IL1RAPL1: variants seen among roughly 807,000 people sequenced by gnomAD.
The protein encoded by IL1RAPL1 is interleukin 1 receptor accessory protein like 1.
A neutral mutation model predicts 48.4 loss-of-function variants in IL1RAPL1; 3 were observed. The ratio of observed to expected loss-of-function variants is 0.06; its 90% CI spans 0.03 to 0.16. The LOEUF (loss-of-function observed/expected upper bound fraction) is 0.16. Among genes scored for constraint, IL1RAPL1 ranks in the 10% least tolerant of loss-of-function variants. IL1RAPL1 has a pLI of 1.00. For missense variants in IL1RAPL1, 349 were observed against 530.6 expected, an observed-to-expected ratio of 0.66 and a Z score of 3.36; for synonymous variants, 185 against 187.7, an observed-to-expected ratio of 0.99 and a Z score of 0.12.
intron 6 of IL1RAPL1, among the ~76,000 whole-genome samples, chrX:29,758,668 C>G (rs1303045604): frequency 9.3e-6 from 1 of 107,725 alleles, no homozygotes; most frequent in African/African-American, 3.4e-5. Flanking sequence ...TGCACTCCAG[C>G]CTGTGCAACA....
intron 6 of IL1RAPL1, among the ~76,000 whole-genome samples, chrX:29,911,482 G>A (rs936545592): frequency 8.9e-5 from 10 of 111,964 alleles, no homozygotes; most frequent in Non-Finnish European, 1.9e-4. Flanking sequence ...TCTCAGTAAA[G>A]CTATTAAAAT....
chrX:28,792,495 A>G (rs1285375322), intron 2 of IL1RAPL1, among the ~76,000 whole-genome samples: 3 of 106,102 alleles, frequency 2.8e-5, no homozygotes, highest in African/African-American at 1.0e-4. Flanking sequence ...CAGATTAAAT[A>G]TAATAAGGCA....
chrX:28,631,987 G>C (rs1934406284), intron 1 of IL1RAPL1, among the ~76,000 whole-genome samples: 1 of 112,364 alleles, frequency 8.9e-6, no homozygotes, highest in African/African-American at 3.2e-5. Flanking sequence ...TGCTCGCATA[G>C]GTTAAAAGGT....
chrX:29,180,100 A>G (rs1328762899), intron 2 of IL1RAPL1, among the ~76,000 whole-genome samples: 2 of 109,973 alleles, frequency 1.8e-5, no homozygotes, highest in Non-Finnish European at 3.8e-5. Context: ...TCTCTCTCTC[A>G]AGATTTCACT....
chrX:28,990,704 A>T (rs1399437997), intron 2 of IL1RAPL1, among the ~76,000 whole-genome samples: 1 of 111,752 alleles, frequency 8.9e-6, no homozygotes, highest in African/African-American at 3.3e-5. Flanking sequence ...AACTGCAAAT[A>T]TATATGAGAC....
In IL1RAPL1 at chrX:28,679,750, T is replaced by C. The variant is rs748067474; in HGVS notation, c.-25+91703T>C. On this transcript the variant is annotated intron_variant, in intron 1 of 10. Coordinates refer to ENST00000378993, the MANE Select transcript of IL1RAPL1 (RefSeq NM_014271.4). ...CATTTTATTTTCTGGGCATCTTTGT[T>C]AAGCATCAGTTGACCATAAATGTGT... Among the ~76,000 whole-genome samples the C allele has an allele frequency of 1.1e-4, 12 of 112,098 alleles. No individual in the cohort carries two copies. The South Asian group carries it at 4.4e-3, about 41-fold the overall frequency.
At chrX:28,763,239 A>G (rs1387517281) in intron 1 of IL1RAPL1, among the ~76,000 whole-genome samples, 2 of 111,616 alleles carry the variant, frequency 1.8e-5, no homozygotes, top group Admixed American at 9.6e-5. Flanking sequence ...GAGGATGGAC[A>G]GGTGCTGAGC....
chrX:28,660,610 A>G (rs1241573969), intron 1 of IL1RAPL1, among the ~76,000 whole-genome samples: 1 of 112,103 alleles, frequency 8.9e-6, no homozygotes, highest in East Asian at 2.8e-4. Context: ...ATTTAGAAAT[A>G]CAGGAAATTT....
At chrX:28,732,608 G>A (rs1601878602) in intron 1 of IL1RAPL1, among the ~76,000 whole-genome samples, 1 of 111,889 alleles carries the variant, frequency 8.9e-6, no homozygotes, top group East Asian at 2.8e-4. Context: ...TGGATTAATA[G>A]TTTGTTTCAT....
At chrX:29,045,585 C>T (rs1030194470) in intron 2 of IL1RAPL1, among the ~76,000 whole-genome samples, 13 of 111,315 alleles carry the variant, frequency 1.2e-4, no homozygotes, top group Admixed American at 1.9e-4. Context: ...CCTGCCTCAG[C>T]CTTTCAAGTA....
At chrX:28,613,960 C>G in intron 1 of IL1RAPL1, among the ~76,000 whole-genome samples, 1 of 111,447 alleles carries the variant, frequency 9.0e-6, no homozygotes, top group East Asian at 2.8e-4. Context: ...TCTTTAGCTC[C>G]CAAACTTTGA....
At chrX:28,700,396 A>G (rs1406713176) in intron 1 of IL1RAPL1, among the ~76,000 whole-genome samples, 2 of 111,311 alleles carry the variant, frequency 1.8e-5, no homozygotes, top group Non-Finnish European at 3.8e-5. Flanking sequence ...TCATCCACTC[A>G]TCATTCTTAT....
At chrX:29,296,702 T>A (rs1932455562) in intron 3 of IL1RAPL1, among the ~76,000 whole-genome samples, 1 of 111,444 alleles carries the variant, frequency 9.0e-6, no homozygotes, top group Non-Finnish European at 1.9e-5. Flanking sequence ...ATTACCTCAC[T>A]GGCATTCTGA....
intron 5 of IL1RAPL1, among the ~76,000 whole-genome samples, chrX:29,425,412 G>GT (rs1305260998): frequency 1.9e-4 from 21 of 110,113 alleles, no homozygotes; most frequent in South Asian, 1.6e-3. Flanking sequence ...TCTGCTTTCT[G>GT]TTTTTTTTGA....
intron 3 of IL1RAPL1, among the ~76,000 whole-genome samples, chrX:29,347,054 G>T (rs143389213): frequency 1.9e-3 from 214 of 111,113 alleles, no homozygotes; most frequent in African/African-American, 6.1e-3. Context: ...TTTTGGGTTT[G>T]CAAATACAGT....
At chrX:29,170,514 A>G (rs903584881) in intron 2 of IL1RAPL1, among the ~76,000 whole-genome samples, 2 of 111,772 alleles carry the variant, frequency 1.8e-5, no homozygotes, top group Non-Finnish European at 3.8e-5. Flanking sequence ...ATTCAATATA[A>G]CTATGATTTC....
At chrX:28,849,186 C>T (rs1020614949) in intron 2 of IL1RAPL1, among the ~76,000 whole-genome samples, 1 of 108,354 alleles carries the variant, frequency 9.2e-6, no homozygotes, top group South Asian at 3.9e-4. Flanking sequence ...TTCAAAAAGA[C>T]TCTACTTCTG....
intron 6 of IL1RAPL1, among the ~76,000 whole-genome samples, chrX:29,883,710 T>G (rs1270458672): frequency 1.8e-5 from 2 of 111,733 alleles, no homozygotes; most frequent in African/African-American, 6.5e-5. Flanking sequence ...TTCCAGCCTT[T>G]TATGAATTCA....
At position 28,777,739 on chromosome X, in the gene IL1RAPL1, A is replaced by G. The variant is rs145876026; in HGVS notation, c.-24-11581A>G. 2.5e-4 allele frequency among the ~76,000 whole-genome samples: 28 copies of G among 110,836 alleles called. No homozygotes were observed. The East Asian group carries it at 7.7e-3, about 30-fold the overall frequency. On this transcript the variant is annotated intron_variant, in intron 1 of 10. Coordinates refer to ENST00000378993, the MANE Select transcript of IL1RAPL1 (RefSeq NM_014271.4). Reference sequence around the variant, plus strand: ...ATTGTGAATAGTGATTAAACTTGTGATCTGAGGGTACCAGCCATGCCCCAG... The same window carrying G: ...ATTGTGAATAGTGATTAAACTTGTGGTCTGAGGGTACCAGCCATGCCCCAG...
Sources: allele counts gnomAD v4.1 joint callset (sites outside exome capture counted in the v4.1 genomes callset), GRCh38; gene constraint gnomAD v4.1.1; transcripts MANE v1.5; gene names NCBI Gene and HGNC (gene_info 2026-07-23, HGNC 2026-07-21).